SEPTIN5: variants seen among roughly 807,000 people sequenced by gnomAD.
SEPTIN5 encodes the protein septin 5.
A neutral mutation model predicts 51.2 loss-of-function variants in SEPTIN5; 16 were observed. The observed-to-expected ratio is 0.31, with a 90% CI of 0.21 to 0.47. The LOEUF is 0.47. Among genes scored for constraint, SEPTIN5 ranks in the 20% least tolerant of loss-of-function variants. The pLI, the probability that SEPTIN5 is intolerant of heterozygous loss-of-function variation, is 0.99. For synonymous variants in SEPTIN5, 208 were observed against 191.2 expected (o/e 1.09, Z -0.72); for missense variants, 376 against 500.3 (o/e 0.75, Z 2.37).
At position 19,714,550 on chromosome 22, in the gene SEPTIN5, C is replaced by T; in HGVS notation, c.-39C>T. 7.4e-7 allele frequency: 1 copy of T among 1,345,280 alleles called. No individual in the cohort carries two copies. Among genetic ancestry groups the T allele is most frequent in the Non-Finnish European group, 9.5e-7 (1 of 1,049,120 alleles). 83.3% of individuals were successfully genotyped at this position (1,345,280 alleles called of 1,614,324 possible). A position where few individuals can be genotyped will look rare whatever the true frequency, so the allele number is the denominator to read the frequency against. ...TCCGCCGCTTGTCGTCGCGCCCCGC[C>T]CGCGAGCCCGCCCCGCACGTCCCCC... On this transcript the variant is annotated 5_prime_UTR_variant, in exon 1 of 12. Coordinates refer to ENST00000455784, the MANE Select transcript of SEPTIN5 (RefSeq NM_002688.6). This position sits in a 1 kb window ranked among gnomAD's most constrained non-coding sequence, Gnocchi z 5.2.
Position 19,720,185 on chromosome 22 carries a change from G to A in SEPTIN5, c.309G>A (p.Lys103=), listed in dbSNP as rs1226748384. Residue 103 remains lysine, a synonymous_variant, in exon 5 of 12, where the codon AAG becomes AAA. Coordinates refer to ENST00000455784, the MANE Select transcript of SEPTIN5 (RefSeq NM_002688.6). ...VDIEEKGVKL[K]LTIVDTPGFG... ...TTGAGGAGAAGGGAGTCAAGCTGAAGCTCACCATCGTGGACACGCCGGGAT... is the reference window on the plus strand; with the variant it reads ...TTGAGGAGAAGGGAGTCAAGCTGAAACTCACCATCGTGGACACGCCGGGAT... The A allele has an allele frequency of 1.2e-6, 2 of 1,613,476 alleles. No homozygotes were observed.
Position 19,722,515 on chromosome 22 carries a change from G to T in SEPTIN5, c.*31G>T. 1.3e-6 allele frequency: 2 copies of T among 1,566,814 alleles called. No individual in the cohort carries two copies. The highest frequency in any genetic ancestry group is 1.7e-6 in the Non-Finnish European group (2 of 1,156,136). The stretch of plus-strand genomic sequence containing the variant: ...GCCGCGGACACACCGTCCGTCTCCG[G>T]GACGCCCTCGCACCCCTGGACACCA... On this transcript the variant is annotated 3_prime_UTR_variant, in exon 12 of 12. Coordinates refer to ENST00000455784, the MANE Select transcript of SEPTIN5 (RefSeq NM_002688.6).
At position 19,714,669 on chromosome 22, in the gene SEPTIN5, T is replaced by TTGTCCCCGCCGCCCGCGCGCCTC. The variant is rs1935888299; in HGVS notation, c.43+40_43+62dup. ...CCTGCCCGCGTGCCCGCGCGCGCCT[T>TTGTCCCCGCCGCCCGCGCGCCTC]TGTCCCCGCCGCCCGCGCGCCTCTC... On this transcript the variant is annotated intron_variant, in intron 1 of 11. Coordinates refer to ENST00000455784, the MANE Select transcript of SEPTIN5 (RefSeq NM_002688.6). The surrounding 1 kb of genome is among the most constrained non-coding windows in gnomAD (Gnocchi z 5.2). 5.7e-6 allele frequency: 8 copies of TTGTCCCCGCCGCCCGCGCGCCTC among 1,403,938 alleles called. No homozygotes were observed. In the African/African-American group the frequency reaches 1.2e-4, roughly 21 times the overall value. 87.0% of individuals were successfully genotyped at this position (1,403,938 alleles called of 1,614,324 possible).
chr22:19,721,654 C>G lies in SEPTIN5; in HGVS notation c.732C>G (p.Phe244Leu). The change falls in exon 9 of 12, where the codon TTC (phenylalanine) becomes TTG (leucine). Residue 244 changes from phenylalanine to leucine, a missense_variant. By Grantham distance (22) the Phe-to-Leu change is conservative. Coordinates refer to ENST00000455784, the MANE Select transcript of SEPTIN5 (RefSeq NM_002688.6). ...CCTTCCCCCAGGAGAGCGCGCCCTTCGCCGTTATAGGCAGCAACACGGTGG... is the reference window on the plus strand; with the variant it reads ...CCTTCCCCCAGGAGAGCGCGCCCTTGGCCGTTATAGGCAGCAACACGGTGG... ...QDRELKESAP[F>L]AVIGSNTVVE... is the part of the protein sequence containing the mutation. 1 of 1,612,862 alleles carries G rather than the reference C, an allele frequency of 6.2e-7. No individual in the cohort carries two copies. Among genetic ancestry groups the G allele is most frequent in the Non-Finnish European group, 8.5e-7 (1 of 1,179,790 alleles).
In SEPTIN5 at chr22:19,720,347, C is replaced by T. The variant is rs1936002764; in HGVS notation, c.390C>T (p.Asp130=). The T allele has an allele frequency of 6.2e-7, 1 of 1,613,922 alleles. No homozygotes were observed. Among genetic ancestry groups the T allele is most frequent in the Non-Finnish European group, 8.5e-7 (1 of 1,179,998 alleles). Residue 130 remains aspartate, a synonymous_variant, in exon 6 of 12, where the codon GAC becomes GAT. Transcript: ENST00000455784. ...ECWKPITDYV[D]QQFEQYFRDE... Reference sequence around the variant, plus strand: ...GGAAGCCCATCACCGACTATGTGGACCAGCAGTTTGAGCAGTACTTCCGTG... The same window carrying T: ...GGAAGCCCATCACCGACTATGTGGATCAGCAGTTTGAGCAGTACTTCCGTG...
chr22:19,718,173 C>A, intron 2 of SEPTIN5: 1 of 154,868 alleles, frequency 6.5e-6, no homozygotes, highest in South Asian at 2.0e-4. Context: ...GCGGGACGCG[C>A]GGTGGCTACC....
At position 19,719,687 on chromosome 22, in the gene SEPTIN5, T is replaced by G. The variant is rs1267606762; in HGVS notation, c.140T>G (p.Leu47Arg). 1 of 1,612,776 alleles carries G rather than the reference T, an allele frequency of 6.2e-7. No individual in the cohort carries two copies. Among genetic ancestry groups the G allele is most frequent in the East Asian group, 2.2e-5 (1 of 44,890 alleles). ...GTGAAGAAAGGCTTTGACTTCACAC[T>G]CATGGTGGCTGGTGAGTGGGCCAGG... ...KSVKKGFDFT[L>R]MVAGESGLGK... is the part of the protein sequence containing the mutation. The change falls in exon 3 of 12, where the codon CTC (leucine) becomes CGC (arginine). Residue 47 changes from leucine (L) to arginine (R), a missense_variant. Coordinates refer to ENST00000455784, the MANE Select transcript of SEPTIN5 (RefSeq NM_002688.6).
At position 19,722,698 on chromosome 22, in the gene SEPTIN5, G is replaced by C; in HGVS notation, c.*214G>C. 1 of 601,504 alleles carries C rather than the reference G, an allele frequency of 1.7e-6. No individual in the cohort carries two copies. The highest frequency in any genetic ancestry group is 2.9e-6 in the Non-Finnish European group (1 of 342,760). 37.3% of individuals were successfully genotyped at this position (601,504 alleles called of 1,614,324 possible). ...GCCCTCTCTGACCTTGGGGGATCAGGAGCGAAGTTGGGCGGGACTTCAGAG... is the reference window on the plus strand; with the variant it reads ...GCCCTCTCTGACCTTGGGGGATCAGCAGCGAAGTTGGGCGGGACTTCAGAG... On this transcript the variant is annotated 3_prime_UTR_variant, in exon 12 of 12. Transcript: ENST00000455784.
Position 19,722,697 on chromosome 22 carries a change from G to A in SEPTIN5, c.*213G>A, listed in dbSNP as rs1413598586. ...GGCCCTCTCTGACCTTGGGGGATCA[G>A]GAGCGAAGTTGGGCGGGACTTCAGA... On this transcript the variant is annotated 3_prime_UTR_variant, in exon 12 of 12. Coordinates refer to ENST00000455784, the MANE Select transcript of SEPTIN5 (RefSeq NM_002688.6). 2 of 604,004 alleles carry A rather than the reference G, an allele frequency of 3.3e-6. No individual in the cohort carries two copies. The highest frequency in any genetic ancestry group is 5.8e-6 in the Non-Finnish European group (2 of 345,122). 37.4% of individuals were successfully genotyped at this position (604,004 alleles called of 1,614,324 possible). A position where few individuals can be genotyped will look rare whatever the true frequency, so the allele number is the denominator to read the frequency against.
At chr22:19,715,975 T>C (rs1935906027) in intron 2 of SEPTIN5, among the ~76,000 whole-genome samples, 3 of 152,210 alleles carry the variant, frequency 2.0e-5, no homozygotes, top group African/African-American at 7.2e-5. Flanking sequence ...GCCAGGCCCC[T>C]GAGGCTTCTC....
At chr22:19,719,776 A>T in intron 3 of SEPTIN5, 30 bp from the exon 4 acceptor site, 1 of 1,612,294 alleles carries the variant, frequency 6.2e-7, no homozygotes, top group Non-Finnish European at 8.5e-7. Flanking sequence ...CCCAGACCTA[A>T]CGCAGCTCCT....
intron 5 of SEPTIN5, 40 bp from the exon 6 acceptor site, chr22:19,720,280 C>T (rs753382329): frequency 1.2e-6 from 2 of 1,613,440 alleles, no homozygotes; most frequent in South Asian, 2.2e-5. Flanking sequence ...TAGGCGGCCA[C>T]AGCACTCGAG....
intron 2 of SEPTIN5, chr22:19,717,264 C>A (rs530472878): frequency 1.9e-5 from 9 of 469,748 alleles, no homozygotes; most frequent in Admixed American, 9.4e-5. Context: ...TACCCTGGAA[C>A]CTTTCCAGGC....
At position 19,722,517 on chromosome 22, in the gene SEPTIN5, A is replaced by G; in HGVS notation, c.*33A>G. On this transcript the variant is annotated 3_prime_UTR_variant, in exon 12 of 12. Coordinates refer to ENST00000455784, the MANE Select transcript of SEPTIN5 (RefSeq NM_002688.6). ...CGCGGACACACCGTCCGTCTCCGGGACGCCCTCGCACCCCTGGACACCAGA... is the reference window on the plus strand; with the variant it reads ...CGCGGACACACCGTCCGTCTCCGGGGCGCCCTCGCACCCCTGGACACCAGA... The G allele has an allele frequency of 6.4e-7, 1 of 1,563,630 alleles. No individual in the cohort carries two copies. Among genetic ancestry groups the G allele is most frequent in the Non-Finnish European group, 8.7e-7 (1 of 1,154,270 alleles).
chr22:19,722,230 C>A lies in SEPTIN5; in HGVS notation c.951-7C>A. 2 of 1,589,070 alleles carry A rather than the reference C, an allele frequency of 1.3e-6. No individual in the cohort carries two copies. Among genetic ancestry groups the A allele is most frequent in the East Asian group, 2.3e-5 (1 of 44,074 alleles). ...GCCCCGCCCATCCTCCCCCCCGCCC[C>A]GCGCAGCAAACTGACCCAGGACAGC... On this transcript the variant is annotated splice_polypyrimidine_tract_variant and splice_region_variant and intron_variant, in intron 10 of 11. Transcript: ENST00000455784.
In SEPTIN5 at chr22:19,720,872, G is replaced by T; in HGVS notation, c.717+3G>T. On this transcript the variant is annotated splice_donor_region_variant and intron_variant, in intron 8 of 11. Coordinates refer to ENST00000455784, the MANE Select transcript of SEPTIN5 (RefSeq NM_002688.6). ...AGCAGCAGGACCGGGAACTGAAGGT[G>T]AACATGCAGACTGGTGGGGCAGGGG... 6.2e-7 allele frequency: 1 copy of T among 1,612,606 alleles called. No homozygotes were observed. Among genetic ancestry groups the T allele is most frequent in the Non-Finnish European group, 8.5e-7 (1 of 1,179,004 alleles).
chr22:19,722,149 C>T (rs1936053828), intron 10 of SEPTIN5, 88 bp from the exon 11 acceptor site: 4 of 1,218,710 alleles, frequency 3.3e-6, no homozygotes, highest in Non-Finnish European at 4.6e-6. Context: ...AGGGCCTCAG[C>T]AGTGGCGGGG....
intron 2 of SEPTIN5, among the ~76,000 whole-genome samples, chr22:19,715,047 C>G (rs1046081759): frequency 6.6e-6 from 1 of 152,228 alleles, no homozygotes; most frequent in Non-Finnish European, 1.5e-5. Context: ...CAGAGTGTCC[C>G]CCTCCCACAG....
In SEPTIN5 at chr22:19,720,237, T is replaced by C; in HGVS notation, c.361T>C (p.Cys121Arg). 6.2e-7 allele frequency: 1 copy of C among 1,613,462 alleles called. No individual in the cohort carries two copies. The highest frequency in any genetic ancestry group is 8.5e-7 in the Non-Finnish European group (1 of 1,179,992). Residue 121 changes from cysteine to arginine, a missense_variant and splice_region_variant, in exon 5 of 12, where the codon TGC becomes CGC. By Grantham distance (180) the Cys-to-Arg change is radical. Transcript: ENST00000455784. The part of the protein sequence containing the change: ...GFGDAVNNTE[C>R]WKPITDYVDQ... ...CGGGGACGCTGTCAACAACACCGAG[T>C]GGTGAGTGAGGCCTGCTGAGAAAGG... is the stretch of plus-strand genomic sequence containing the variant.
Sources: gnomAD v4.1 joint callset for allele counts (sites outside exome capture counted in the v4.1 genomes callset) on GRCh38, gnomAD v4.1.1 for gene constraint, Gnocchi (gnomAD v3.1) non-coding constraint, MANE v1.5 for transcripts, NCBI Gene and HGNC (gene_info 2026-07-23, HGNC 2026-07-21) for gene names.